ARHGEF2: variants seen among roughly 807,000 people sequenced by gnomAD.
The protein encoded by ARHGEF2 is Rho/Rac guanine nucleotide exchange factor 2, also known as rho guanine nucleotide exchange factor 2.
ARHGEF2 carries 22 observed loss-of-function variants against 121.0 expected under a neutral mutation model. The ratio of observed to expected loss-of-function variants is 0.18; its 90% CI spans 0.13 to 0.26. The LOEUF (loss-of-function observed/expected upper bound fraction) is 0.26. ARHGEF2 is among the 10% of genes least tolerant of loss of function. The pLI is 1.00. For missense variants in ARHGEF2, 907 were observed against 1,336.0 expected (o/e 0.68, Z 5.01); for synonymous variants, 487 against 530.0 (o/e 0.92, Z 1.11).
In ARHGEF2 at chr1:155,952,775, C is replaced by T. The variant is rs757797639; in HGVS notation, c.1837G>A (p.Gly613Arg). 5.0e-6 allele frequency: 8 copies of T among 1,614,022 alleles called. No individual in the cohort carries two copies. The highest frequency in any genetic ancestry group is 4.0e-5 in the African/African-American group (3 of 74,892). The change falls in exon 15 of 22, where the codon GGG becomes AGG. Residue 613 changes from glycine to arginine, a missense_variant. This residue lies in a region of ARHGEF2 where 432 missense variants were observed against 559.5 expected (regional missense o/e 0.77). Coordinates refer to ENST00000361247, the MANE Select transcript of ARHGEF2 (RefSeq NM_001162383.2). ...ALVELLREKV[G>R]LFAEMTHFQA... ...AAATGGGTCATCTCAGCAAACAGCC[C>T]GACCTTCTCTCGCAGCAGCTCCACC...
chr1:155,952,928 T>G, intron 14 of ARHGEF2, 100 bp from the exon 15 acceptor site: 2 of 1,096,150 alleles, frequency 1.8e-6, no homozygotes, highest in Non-Finnish European at 2.6e-6. Flanking sequence ...TGGGGCAGTG[T>G]GGCAGACTTA....
Position 155,947,756 on chromosome 1 carries a change from G to C in ARHGEF2, c.*186C>G, listed in dbSNP as rs1674623841. Reference sequence around the variant, plus strand: ...GTGGTGTAGCTTTCGGATGTCCCAGGGGGTGTTGTGGCCTAATTCCCCTAG... The same window carrying C: ...GTGGTGTAGCTTTCGGATGTCCCAGCGGGTGTTGTGGCCTAATTCCCCTAG... On this transcript the variant is annotated 3_prime_UTR_variant, in exon 22 of 22. Coordinates refer to ENST00000361247, the MANE Select transcript of ARHGEF2 (RefSeq NM_001162383.2). 1.8e-6 allele frequency: 1 copy of C among 561,318 alleles called. No homozygotes were observed. Among genetic ancestry groups the C allele is most frequent in the African/African-American group, 1.9e-5 (1 of 52,622 alleles). The allele number at this position is 561,318 out of a possible 1,614,324, so 34.8% of individuals were successfully genotyped here.
At position 155,950,225 on chromosome 1, in the gene ARHGEF2, T is replaced by C. The variant is rs1312182169; in HGVS notation, c.2887+74A>G. On this transcript the variant is annotated intron_variant, in intron 21 of 21. Coordinates refer to ENST00000361247, the MANE Select transcript of ARHGEF2 (RefSeq NM_001162383.2). The surrounding 1 kb of genome is among the most constrained non-coding windows in gnomAD (Gnocchi z 5.2). ...GCCTCACAGGTCAGTTAGGGCCCAT[T>C]TGGAAGCCACAGCCCAATGGCCTGT... is the stretch of plus-strand genomic sequence containing the variant. The C allele has an allele frequency of 3.2e-6, 5 of 1,560,612 alleles. No homozygotes were observed. Among genetic ancestry groups the C allele is most frequent in the Non-Finnish European group, 3.5e-6 (4 of 1,152,022 alleles).
In ARHGEF2 at chr1:155,947,981, C is replaced by A; in HGVS notation, c.2922G>T (p.Thr974=). 2 of 1,551,218 alleles carry A rather than the reference C, an allele frequency of 1.3e-6. No individual in the cohort carries two copies. The highest frequency in any genetic ancestry group is 2.4e-5 in the South Asian group (2 of 84,032). The change falls in exon 22 of 22, where the codon ACG becomes ACT. Residue 974 remains threonine, a synonymous_variant. Coordinates refer to ENST00000361247, the MANE Select transcript of ARHGEF2 (RefSeq NM_001162383.2). ...CTACAGCCTCCCCGTCGCGGCTCTC[C>A]GTCTCCTCCGGGATGTCCTGCATTC... ...FTRMQDIPEE[T]ESRDGEAVAS...
intron 16 of ARHGEF2, 33 bp downstream of exon 16, chr1:155,952,083 C>A (rs755970888): frequency 2.4e-5 from 39 of 1,614,020 alleles, no homozygotes; most frequent in Non-Finnish European, 3.1e-5. Context: ...GCCCCTCCCA[C>A]CTACTACCTT....
rs1175907220 is a variant in ARHGEF2 at position 155,946,881 on chromosome 1, G to C, written c.*1061C>G. The C allele has an allele frequency of 6.5e-6, 1 of 154,260 alleles. No homozygotes were observed. The highest frequency in any genetic ancestry group is 1.4e-5 in the Non-Finnish European group (1 of 69,478). The allele number at this position is 154,260 out of a possible 1,614,324, so 9.6% of individuals were successfully genotyped here. A position where few individuals can be genotyped will look rare whatever the true frequency, so the allele number is the denominator to read the frequency against. On this transcript the variant is annotated 3_prime_UTR_variant, in exon 22 of 22. Coordinates refer to ENST00000361247, the MANE Select transcript of ARHGEF2 (RefSeq NM_001162383.2). Reference sequence around the variant, plus strand: ...GAGTTCCAGGTTTTTAATTTTCCCTGAATTTTTTTTTTAAACAACAAAATT... The same window carrying C: ...GAGTTCCAGGTTTTTAATTTTCCCTCAATTTTTTTTTTAAACAACAAAATT...
Position 155,962,569 on chromosome 1 carries a change from T to C in ARHGEF2, c.1101+24A>G, listed in dbSNP as rs762416991. Reference sequence around the variant, plus strand: ...GGAGGGTGGGTTTGGGCCATGAGCATGGGATCTGGAGAGGTCCGCTCACCC... The same window carrying C: ...GGAGGGTGGGTTTGGGCCATGAGCACGGGATCTGGAGAGGTCCGCTCACCC... On this transcript the variant is annotated intron_variant, in intron 9 of 21. Coordinates refer to ENST00000361247, the MANE Select transcript of ARHGEF2 (RefSeq NM_001162383.2). The surrounding 1 kb of genome is among the most constrained non-coding windows in gnomAD (Gnocchi z 5.8). 6 of 1,611,550 alleles carry C rather than the reference T, an allele frequency of 3.7e-6. No individual in the cohort carries two copies. Among genetic ancestry groups the C allele is most frequent in the Non-Finnish European group, 5.1e-6 (6 of 1,179,440 alleles).
In ARHGEF2 at chr1:155,959,664, C is replaced by G. The variant is rs1238565807; in HGVS notation, c.1469-1268G>C. ...AGTTCAAGCGATTCTCATGCCTCAG[C>G]CTCCCAAGTAGCTGTGGCTACAGGT... On this transcript the variant is annotated intron_variant, in intron 11 of 21. Transcript: ENST00000361247. Among the ~76,000 whole-genome samples, 4 of 152,264 alleles carry G rather than the reference C, an allele frequency of 2.6e-5. No individual in the cohort carries two copies. The East Asian group carries it at 7.7e-4, about 29-fold the overall frequency.
intron 1 of ARHGEF2, among the ~76,000 whole-genome samples, chr1:155,975,653 C>T (rs1000216692): frequency 6.6e-6 from 1 of 152,128 alleles, no homozygotes; most frequent in African/African-American, 2.4e-5. Context: ...ACTCCTAGTC[C>T]TGCACACAAA....
rs766287923 is a variant in ARHGEF2, at chr1:155,951,047, C to T, written c.2485G>A (p.Ala829Thr). 3 of 1,602,058 alleles carry T rather than the reference C, an allele frequency of 1.9e-6. No individual in the cohort carries two copies. The highest frequency in any genetic ancestry group is 2.6e-6 in the Non-Finnish European group (3 of 1,176,022). Residue 829 changes from alanine (A) to threonine (T), a missense_variant, in exon 20 of 22, where the codon GCA becomes ACA. Coordinates refer to ENST00000361247, the MANE Select transcript of ARHGEF2 (RefSeq NM_001162383.2). The surrounding 1 kb of genome is among the most constrained non-coding windows in gnomAD (Gnocchi z 5.1). ...GCCTCCAGGCTGCCAGCTTCGGTTG[C>T]CCGTTCTTCACCTAGCCGCCGGCAG... ...RRCRRLGEERATEAGSLEARL... is the reference protein window; with the variant it reads ...RRCRRLGEERTTEAGSLEARL...
rs774305439 is a variant in ARHGEF2 at position 155,961,782 on chromosome 1, C to T, written c.1347G>A (p.Met449Ile). The change falls in exon 11 of 22, where the codon ATG becomes ATA. Residue 449 changes from methionine (M) to isoleucine (I), a missense_variant. Around this residue, in one of 2 missense-constraint regions of ARHGEF2, gnomAD observed 475 missense variants for 776.5 expected, o/e 0.61. Transcript: ENST00000361247. This position sits in a 1 kb window ranked among gnomAD's most constrained non-coding sequence, Gnocchi z 4.7. ...GARLQEIYNR[M>I]DPRAQTPVPG... ...GCACTGGGGTTTGGGCCCGAGGGTC[C>T]ATGCGGTTGTAGATCTCCTGCAGAC... 6.2e-7 allele frequency: 1 copy of T among 1,614,222 alleles called. No homozygotes were observed. The highest frequency in any genetic ancestry group is 1.7e-5 in the Admixed American group (1 of 60,032).
Position 155,965,567 on chromosome 1 carries a change from C to T in ARHGEF2, c.470+64G>A. Reference sequence around the variant, plus strand: ...AACTCAGGGATGGAAAGGGACCTCTCAGCACCCCCTTGGCCTCCACTGCCA... The same window carrying T: ...AACTCAGGGATGGAAAGGGACCTCTTAGCACCCCCTTGGCCTCCACTGCCA... On this transcript the variant is annotated intron_variant, in intron 5 of 21. Transcript: ENST00000361247. The surrounding 1 kb of genome is among the most constrained non-coding windows in gnomAD (Gnocchi z 6.0). 1.2e-6 allele frequency: 2 copies of T among 1,609,792 alleles called. No individual in the cohort carries two copies. The highest frequency in any genetic ancestry group is 1.7e-5 in the Admixed American group (1 of 59,294).
chr1:155,951,160 C>A lies in ARHGEF2; in HGVS notation c.2372G>T (p.Gly791Val). ...CTTTTCAGGGGCCACAGGGGCAGCC[C>A]CAGCCCTGCCAGCCTCCCCATCCCG... Reference protein sequence around the residue: ...NSRDGEAGRAGAAPVAPEKQA... With the variant: ...NSRDGEAGRAVAAPVAPEKQA... Residue 791 changes from glycine to valine, a missense_variant, in exon 20 of 22, where the codon GGG becomes GTG. Physicochemically the swap from Gly to Val is moderately radical, Grantham distance 109. Coordinates refer to ENST00000361247, the MANE Select transcript of ARHGEF2 (RefSeq NM_001162383.2). This position sits in a 1 kb window ranked among gnomAD's most constrained non-coding sequence, Gnocchi z 5.1. 1 of 1,604,120 alleles carries A rather than the reference C, an allele frequency of 6.2e-7. No individual in the cohort carries two copies.
chr1:155,962,025 C>T lies in ARHGEF2; in HGVS notation c.1219+80G>A, dbSNP rs1678054862. The T allele has an allele frequency of 1.9e-6, 3 of 1,602,884 alleles. No homozygotes were observed. In the South Asian group the frequency reaches 3.3e-5, roughly 18 times the overall value. On this transcript the variant is annotated intron_variant, in intron 10 of 21. Transcript: ENST00000361247. This position sits in a 1 kb window ranked among gnomAD's most constrained non-coding sequence, Gnocchi z 5.8. ...CCCAGGGTTTCACACCCGACCCCAC[C>T]CTTCCTGTGGTCATACCGAGCCTTT...
chr1:155,961,667 A>C lies in ARHGEF2; in HGVS notation c.1462T>G (p.Phe488Val). The stretch of plus-strand genomic sequence containing the variant: ...TCTGCCGAGCAGGTCTGACCTTTGA[A>C]GCGCCCCGTCGCTGTCTTCCAGAGC... The part of the protein sequence containing the change: ...CLLWKTATGR[F>V]KDVLVLLMTD... The change falls in exon 11 of 22, where the codon TTC becomes GTC. Residue 488 changes from phenylalanine (F) to valine (V), a missense_variant. Phe to Val is a conservative substitution (Grantham distance 50). Transcript: ENST00000361247. The surrounding 1 kb of genome is among the most constrained non-coding windows in gnomAD (Gnocchi z 4.7). 6.2e-7 allele frequency: 1 copy of C among 1,610,582 alleles called. No individual in the cohort carries two copies. Among genetic ancestry groups the C allele is most frequent in the Non-Finnish European group, 8.5e-7 (1 of 1,179,622 alleles).
rs1675100639 is a variant in ARHGEF2 at position 155,950,067 on chromosome 1, A to G, written c.2887+232T>C. ...CTGAGCCGCCATGCCTTTTTAAAAA[A>G]GAATCTGTTTTTACTTCTAAAGGTT... is the stretch of plus-strand genomic sequence containing the variant. On this transcript the variant is annotated intron_variant, in intron 21 of 21. Coordinates refer to ENST00000361247, the MANE Select transcript of ARHGEF2 (RefSeq NM_001162383.2). This position sits in a 1 kb window ranked among gnomAD's most constrained non-coding sequence, Gnocchi z 5.2. Among the ~76,000 whole-genome samples the G allele has an allele frequency of 6.6e-6, 1 of 152,164 alleles. No homozygotes were observed. Among genetic ancestry groups the G allele is most frequent in the South Asian group, 2.1e-4 (1 of 4,830 alleles).
In ARHGEF2 at chr1:155,957,796, G is replaced by T. The variant is rs888962936; in HGVS notation, c.1632C>A (p.Ala544=). ...TGTGCACCTCGTACATCTCAGGTGG[G>T]GCTGCGCTGATCAGAAACATCCCTT... is the stretch of plus-strand genomic sequence containing the variant. ...QEKGMFLISA[A]PPEMYEVHTA... is the part of the protein sequence containing the mutation. Residue 544 remains alanine, a synonymous_variant, in exon 13 of 22, where the codon GCC becomes GCA. Coordinates refer to ENST00000361247, the MANE Select transcript of ARHGEF2 (RefSeq NM_001162383.2). 2 of 1,614,094 alleles carry T rather than the reference G, an allele frequency of 1.2e-6. No individual in the cohort carries two copies. Among genetic ancestry groups the T allele is most frequent in the African/African-American group, 2.7e-5 (2 of 74,946 alleles).
Position 155,951,111 on chromosome 1 carries a change from C to A in ARHGEF2, c.2421G>T (p.Leu807=). ...CCTGCAGCAGCGCATGTTGCCGCTGCAGTAATGCCAGTTCCGTGGCCTGCT... is the reference window on the plus strand; with the variant it reads ...CCTGCAGCAGCGCATGTTGCCGCTGAAGTAATGCCAGTTCCGTGGCCTGCT... ...PEKQATELAL[L]QRQHALLQEE... The change falls in exon 20 of 22, where the codon CTG becomes CTT. Residue 807 remains leucine, a synonymous_variant. Transcript: ENST00000361247. The surrounding 1 kb of genome is among the most constrained non-coding windows in gnomAD (Gnocchi z 5.1). The A allele has an allele frequency of 3.1e-6, 5 of 1,603,652 alleles. No homozygotes were observed. The highest frequency in any genetic ancestry group is 4.2e-6 in the Non-Finnish European group (5 of 1,176,816).
intron 2 of ARHGEF2, among the ~76,000 whole-genome samples, chr1:155,968,019 C>T (rs1325721320): frequency 6.6e-6 from 1 of 151,494 alleles, no homozygotes; most frequent in Non-Finnish European, 1.5e-5. Flanking sequence ...GATTGAACCT[C>T]CGCTTTCCAC....
Sources: allele counts gnomAD v4.1 joint callset (sites outside exome capture counted in the v4.1 genomes callset), GRCh38; gene constraint gnomAD v4.1.1; regional missense constraint gnomAD v4.1.1; non-coding constraint Gnocchi (gnomAD v3.1); transcripts MANE v1.5; gene names NCBI Gene and HGNC (gene_info 2026-07-23, HGNC 2026-07-21).